Variants in LRCH1 observed in about 807,000 individuals in gnomAD.
LRCH1 encodes leucine-rich repeat and calponin homology domain-containing protein 1.
In LRCH1, 23 loss-of-function variants were observed where a neutral mutation model predicts 94.9. The observed-to-expected ratio is 0.24, with a 90% confidence interval of 0.17 to 0.34. LRCH1 has a LOEUF of 0.34. LRCH1 is among the 10% of genes least tolerant of loss of function. The probability of loss-of-function intolerance (pLI) is 1.00; values close to 1 mark genes in which losing one functional copy is unlikely to be tolerated. For missense variants in LRCH1, 790 were observed against 945.9 expected (o/e 0.84, Z 2.16); for synonymous variants, 364 against 354.9 (o/e 1.03, Z -0.29).
In LRCH1 at chr13:46,712,545, A is replaced by T. The variant is rs768596490; in HGVS notation, c.1602A>T (p.Ala534=). Reference sequence around the variant, plus strand: ...CACAGATTAGAGAGAACTCCCCTGCAGTCTCTCCTACCACAAACAGCACAG... The same window carrying T: ...CACAGATTAGAGAGAACTCCCCTGCTGTCTCTCCTACCACAAACAGCACAG... The part of the protein sequence containing the change: ...SPNEIRENSP[A]VSPTTNSTAP... Residue 534 remains alanine (A), a synonymous_variant, in exon 15 of 20, where the codon GCA becomes GCT. Transcript: ENST00000389797. 1 of 1,613,636 alleles carries T rather than the reference A, an allele frequency of 6.2e-7. No homozygotes were observed. Among genetic ancestry groups the T allele is most frequent in the East Asian group, 2.2e-5 (1 of 44,878 alleles).
chr13:46,699,532 T>C, intron 10 of LRCH1, 129 bp downstream of exon 10: 2 of 798,730 alleles, frequency 2.5e-6, no homozygotes, highest in Non-Finnish European at 4.2e-6. Context: ...ACAGACAATA[T>C]TGATAAGAAG....
intron 17 of LRCH1, among the ~76,000 whole-genome samples, chr13:46,727,383 G>A (rs1396810696): frequency 6.6e-6 from 1 of 152,210 alleles, no homozygotes; most frequent in African/African-American, 2.4e-5. Context: ...CAGAGCCTCG[G>A]GACCTGTGGG....
chr13:46,735,788 C>CTTTTTTTTTTTTTTTTTT (rs1288570749), intron 19 of LRCH1, among the ~76,000 whole-genome samples: 1 of 69,916 alleles, frequency 1.4e-5, no homozygotes, highest in Non-Finnish European at 2.8e-5. Context: ...TTTTCTTTTT[C>CTTTTTTTTTTTTTTTTTT]TTTTCTTTTT....
intron 11 of LRCH1, among the ~76,000 whole-genome samples, chr13:46,702,457 G>A (rs1460500411): frequency 1.3e-5 from 2 of 152,134 alleles, no homozygotes; most frequent in Non-Finnish European, 2.9e-5. Context: ...AGCCGAGATC[G>A]TGCCACCACA....
chr13:46,625,379 G>A (rs529077671), intron 1 of LRCH1, among the ~76,000 whole-genome samples: 1 of 152,224 alleles, frequency 6.6e-6, no homozygotes, highest in Admixed American at 6.5e-5. Flanking sequence ...CCCCCAGGGC[G>A]ATGGTATTAG....
At chr13:46,715,272 TACTCTA>T (rs1409990791) in intron 15 of LRCH1, among the ~76,000 whole-genome samples, 1 of 152,206 alleles carries the variant, frequency 6.6e-6, no homozygotes, top group African/African-American at 2.4e-5. Context: ...GATTCATTAG[TACTCTA>T]AGTCTGTGGG....
chr13:46,553,761 C>A lies in LRCH1; in HGVS notation c.307+58C>A, dbSNP rs1417050599. 8 of 1,582,348 alleles carry A rather than the reference C, an allele frequency of 5.1e-6. No individual in the cohort carries two copies. The African/African-American group carries it at 9.4e-5, about 19-fold the overall frequency. On this transcript the variant is annotated intron_variant, in intron 1 of 19. Transcript: ENST00000389797. ...GGGTGCTGTCTGGGTGTCTGTCGTG[C>A]GTTCCCTAACGCGGTGGACAGTCGG...
rs561714624 is a variant in LRCH1 at position 46,719,933 on chromosome 13, G to C, written c.1760-3288G>C. 3.3e-5 allele frequency among the ~76,000 whole-genome samples: 5 copies of C among 152,264 alleles called. No homozygotes were observed. In the East Asian group the frequency reaches 7.7e-4, roughly 24 times the overall value. On this transcript the variant is annotated intron_variant, in intron 16 of 19. Transcript: ENST00000389797. ...GAATCTCTTGAACCTGGGAGGCGGA[G>C]TTTGCAGTGAGCCGAGATCGTGCCA...
intron 19 of LRCH1, among the ~76,000 whole-genome samples, chr13:46,737,253 C>G (rs780515844): frequency 6.6e-6 from 1 of 152,118 alleles, no homozygotes; most frequent in Non-Finnish European, 1.5e-5. Flanking sequence ...TATCCCTCCA[C>G]GACATTTAAA....
intron 1 of LRCH1, among the ~76,000 whole-genome samples, chr13:46,556,110 G>A (rs1191635146): frequency 6.6e-6 from 1 of 152,200 alleles, no homozygotes; most frequent in African/African-American, 2.4e-5. Context: ...GATCCTTAAA[G>A]GCCTAAGAGG....
At chr13:46,574,035 G>A (rs1471242214) in intron 1 of LRCH1, among the ~76,000 whole-genome samples, 1 of 150,772 alleles carries the variant, frequency 6.6e-6, no homozygotes, top group South Asian at 2.1e-4. Context: ...TAGTAGAGAC[G>A]GGGTTTCGCC....
intron 2 of LRCH1, among the ~76,000 whole-genome samples, chr13:46,654,387 T>A (rs549186522): frequency 6.6e-6 from 1 of 152,196 alleles, no homozygotes; most frequent in Non-Finnish European, 1.5e-5. Context: ...CAAAATAAAA[T>A]ATATATTTTG....
At chr13:46,691,979 C>T (rs1014946534) in intron 7 of LRCH1, among the ~76,000 whole-genome samples, 3 of 152,238 alleles carry the variant, frequency 2.0e-5, no homozygotes, top group Non-Finnish European at 4.4e-5. Context: ...TGAGCCACCA[C>T]GCCTGGCTGA....
chr13:46,559,768 T>A (rs2050109364), intron 1 of LRCH1, among the ~76,000 whole-genome samples: 1 of 152,154 alleles, frequency 6.6e-6, no homozygotes, highest in South Asian at 2.1e-4. Flanking sequence ...TACTGGAGAG[T>A]TTGTCAGTCA....
intron 13 of LRCH1, among the ~76,000 whole-genome samples, chr13:46,709,856 C>T (rs1871967241): frequency 6.6e-6 from 1 of 151,862 alleles, no homozygotes; most frequent in Non-Finnish European, 1.5e-5. Flanking sequence ...GAATAGCTGG[C>T]CCTGATGGAA....
At chr13:46,662,862 C>G (rs2051467633) in intron 2 of LRCH1, among the ~76,000 whole-genome samples, 1 of 152,174 alleles carries the variant, frequency 6.6e-6, no homozygotes, top group Non-Finnish European at 1.5e-5. Context: ...AGAAATTTGC[C>G]TGAATTCAGA....
intron 1 of LRCH1, among the ~76,000 whole-genome samples, chr13:46,592,066 T>C (rs2050506008): frequency 6.6e-6 from 1 of 152,226 alleles, no homozygotes; most frequent in Non-Finnish European, 1.5e-5. Context: ...ATTCCGTAGC[T>C]CAAGTCCTCA....
intron 1 of LRCH1, among the ~76,000 whole-genome samples, chr13:46,644,362 G>A (rs2051195174): frequency 6.6e-6 from 1 of 152,088 alleles, no homozygotes. Flanking sequence ...TTCATTCTGG[G>A]TTTGCCTCAT....
intron 1 of LRCH1, among the ~76,000 whole-genome samples, chr13:46,628,711 G>A (rs2050981866): frequency 6.6e-6 from 1 of 151,538 alleles, no homozygotes; most frequent in African/African-American, 2.4e-5. Context: ...ACCATGACAG[G>A]AACGGTTAGA....
Sources: gnomAD v4.1 joint callset for allele counts (sites outside exome capture counted in the v4.1 genomes callset) on GRCh38, gnomAD v4.1.1 for gene constraint, MANE v1.5 for transcripts, NCBI Gene and HGNC (gene_info 2026-07-23, HGNC 2026-07-21) for gene names.